PDZRN4: variants seen among roughly 807,000 people sequenced by gnomAD.
The protein encoded by PDZRN4 is PDZ domain-containing RING finger protein 4.
PDZRN4 carries 70 observed loss-of-function variants against 99.0 expected under a neutral mutation model. The ratio of observed to expected loss-of-function variants is 0.71; its 90% CI spans 0.58 to 0.86. The LOEUF (loss-of-function observed/expected upper bound fraction) is 0.86. Among genes scored for constraint, PDZRN4 ranks in the 40% least tolerant of loss-of-function variants. The probability of loss-of-function intolerance (pLI) is 0.00; values close to 1 mark genes in which losing one functional copy is unlikely to be tolerated. For missense variants in PDZRN4, 1,474 were observed against 1,331.2 expected, an observed-to-expected ratio of 1.11 and a Z score of -1.67; for synonymous variants, 551 against 501.6, an observed-to-expected ratio of 1.10 and a Z score of -1.32.
chr12:41,427,420 A>G (rs904108426), intron 3 of PDZRN4, among the ~76,000 whole-genome samples: 1 of 152,158 alleles, frequency 6.6e-6, no homozygotes, highest in Non-Finnish European at 1.5e-5. Flanking sequence ...AGGTACTATG[A>G]ATATCCCTAT....
chr12:41,258,804 A>G (rs1951219226), intron 3 of PDZRN4, among the ~76,000 whole-genome samples: 1 of 152,116 alleles, frequency 6.6e-6, no homozygotes, highest in Admixed American at 6.6e-5. Flanking sequence ...TCAGGTGGTA[A>G]CACATACCCA....
At chr12:41,471,125 G>A (rs1453022813) in intron 3 of PDZRN4, among the ~76,000 whole-genome samples, 1 of 152,206 alleles carries the variant, frequency 6.6e-6, no homozygotes, top group Non-Finnish European at 1.5e-5. Flanking sequence ...ACTTGTGGGT[G>A]CAGAGCTACA....
chr12:41,368,956 G>T (rs1269239665), intron 3 of PDZRN4, among the ~76,000 whole-genome samples: 1 of 152,016 alleles, frequency 6.6e-6, no homozygotes, highest in South Asian at 2.1e-4. Flanking sequence ...ACCCAAGATC[G>T]AACCAATCTT....
At chr12:41,294,252 C>T (rs1052734566) in intron 3 of PDZRN4, among the ~76,000 whole-genome samples, 2 of 152,160 alleles carry the variant, frequency 1.3e-5, no homozygotes, top group Admixed American at 6.6e-5. Flanking sequence ...GCCTTTAACA[C>T]CCTCGTTGTG....
At chr12:41,466,660 C>T (rs1952928418) in intron 3 of PDZRN4, among the ~76,000 whole-genome samples, 1 of 151,500 alleles carries the variant, frequency 6.6e-6, no homozygotes, top group African/African-American at 2.4e-5. Flanking sequence ...CCTAAGCTTT[C>T]CATGTAGAAG....
chr12:41,567,541 T>A (rs1939395534), intron 8 of PDZRN4, among the ~76,000 whole-genome samples: 1 of 152,112 alleles, frequency 6.6e-6, no homozygotes, highest in Admixed American at 6.6e-5. Context: ...GCTGTGAGAT[T>A]TACTTGGTTA....
At chr12:41,421,283 C>T (rs1031699145) in intron 3 of PDZRN4, among the ~76,000 whole-genome samples, 1 of 152,144 alleles carries the variant, frequency 6.6e-6, no homozygotes, top group Non-Finnish European at 1.5e-5. Flanking sequence ...ACTGCAACCT[C>T]TGTCTCCCAG....
At chr12:41,286,418 C>A (rs1951423351) in intron 3 of PDZRN4, among the ~76,000 whole-genome samples, 3 of 149,446 alleles carry the variant, frequency 2.0e-5, no homozygotes, top group Non-Finnish European at 4.4e-5. Flanking sequence ...GGAGAACTAC[C>A]CCACTCTCCC....
intron 3 of PDZRN4, among the ~76,000 whole-genome samples, chr12:41,246,571 A>T (rs1951135139): frequency 6.6e-6 from 1 of 152,166 alleles, no homozygotes; most frequent in Admixed American, 6.5e-5. Context: ...GCTAACTTGT[A>T]GTGGTTTGTT....
At position 41,194,139 on chromosome 12, in the gene PDZRN4, G is replaced by C; in HGVS notation, c.794G>C (p.Gly265Ala). The C allele has an allele frequency of 6.4e-7, 1 of 1,573,494 alleles. No homozygotes were observed. Among genetic ancestry groups the C allele is most frequent in the Non-Finnish European group, 8.6e-7 (1 of 1,156,260 alleles). The part of the protein sequence containing the change: ...GIYVSKILEN[G>A]PADRADGLEI... ...TACGTTTCAAAAATTTTAGAAAATG[G>C]ACCTGCTGACAGAGCAGATGGCCTG... The change falls in exon 3 of 10, where the codon GGA becomes GCA. Residue 265 changes from glycine to alanine, a missense_variant. Transcript: ENST00000402685.
chr12:41,226,033 C>T (rs530178809), intron 3 of PDZRN4, among the ~76,000 whole-genome samples: 5 of 152,022 alleles, frequency 3.3e-5, no homozygotes, highest in African/African-American at 1.2e-4. Context: ...CTTTATTCCA[C>T]GATGTGGTTA....
chr12:41,438,753 C>G (rs1330256112), intron 3 of PDZRN4, among the ~76,000 whole-genome samples: 1 of 152,094 alleles, frequency 6.6e-6, no homozygotes, highest in African/African-American at 2.4e-5. Flanking sequence ...AGATCCTGAG[C>G]CTTTATAGTT....
intron 1 of PDZRN4, among the ~76,000 whole-genome samples, chr12:41,190,126 CG>C (rs1308751369): frequency 6.6e-6 from 1 of 152,144 alleles, no homozygotes; most frequent in Admixed American, 6.5e-5. Flanking sequence ...TCAGCACTCC[CG>C]GGGAGGAGCA....
intron 5 of PDZRN4, among the ~76,000 whole-genome samples, chr12:41,519,564 T>A (rs922501483): frequency 3.3e-5 from 5 of 152,060 alleles, no homozygotes; most frequent in Non-Finnish European, 7.4e-5. Flanking sequence ...TTACTATGAA[T>A]GATCGTGTCA....
intron 3 of PDZRN4, among the ~76,000 whole-genome samples, chr12:41,332,525 A>C (rs1399610259): frequency 6.6e-6 from 1 of 151,836 alleles, no homozygotes; most frequent in Non-Finnish European, 1.5e-5. Context: ...GATATGGGAG[A>C]TATTGTGATG....
intron 3 of PDZRN4, among the ~76,000 whole-genome samples, chr12:41,455,349 C>T (rs1484680716): frequency 6.6e-6 from 1 of 152,098 alleles, no homozygotes; most frequent in Non-Finnish European, 1.5e-5. Flanking sequence ...ACTAAAATCT[C>T]ATGAAAAAGA....
rs764851464 is a variant in PDZRN4, at chr12:41,197,919, G to GTTTTTT, written c.843+3731_843+3732insTTTTTT. Among the ~76,000 whole-genome samples the GTTTTTT allele has an allele frequency of 6.2e-4, 70 of 113,432 alleles. 2 individuals are homozygous for GTTTTTT. Among genetic ancestry groups the GTTTTTT allele is most frequent in the African/African-American group, 1.0e-3 (30 of 29,636 alleles). 74.4% of individuals were successfully genotyped at this position (113,432 alleles called of 152,430 possible). On this transcript the variant is annotated intron_variant, in intron 3 of 9. Transcript: ENST00000402685. ...CTTCTTCTTTTCCTTGTTTTTTCTG[G>GTTTTTT]GTTTTTTTTTTTGGAGACAGGATCT...
At chr12:41,192,261 G>C (rs142629988) in intron 2 of PDZRN4, among the ~76,000 whole-genome samples, 1,778 of 152,022 alleles carry the variant, frequency 0.012, 57 homozygotes, top group East Asian at 0.1. Flanking sequence ...GTGCCACCAC[G>C]CCCAGCTAAT....
chr12:41,505,326 A>G (rs1487524822), intron 3 of PDZRN4, among the ~76,000 whole-genome samples: 1 of 152,118 alleles, frequency 6.6e-6, no homozygotes, highest in East Asian at 1.9e-4. Context: ...GCCACCAGAT[A>G]GCTCTTCACA....
Sources: gnomAD v4.1 joint callset for allele counts (sites outside exome capture counted in the v4.1 genomes callset) on GRCh38, gnomAD v4.1.1 for gene constraint, MANE v1.5 for transcripts, NCBI Gene and HGNC (gene_info 2026-07-23, HGNC 2026-07-21) for gene names.